DCC: variants seen among roughly 807,000 people sequenced by gnomAD.
DCC encodes DCC netrin 1 receptor, also known as netrin receptor DCC.
A neutral mutation model predicts 172.5 loss-of-function variants in DCC; 58 were observed. The ratio of observed to expected loss-of-function variants is 0.34; its 90% CI spans 0.27 to 0.42. DCC has a LOEUF of 0.42. Ranked by LOEUF, DCC falls within the 10% of genes least tolerant of loss-of-function variation. The probability of loss-of-function intolerance (pLI) is 1.00; values close to 1 mark genes in which losing one functional copy is unlikely to be tolerated. For missense variants in DCC, 1,740 were observed against 1,791.0 expected (o/e 0.97, Z 0.51); for synonymous variants, 709 against 644.5 (o/e 1.10, Z -1.52).
At chr18:53,018,400 T>C (rs2041836816) in intron 5 of DCC, among the ~76,000 whole-genome samples, 1 of 152,246 alleles carries the variant, frequency 6.6e-6, no homozygotes, top group Non-Finnish European at 1.5e-5. Context: ...CATTCTTCAC[T>C]AACCTCGTTG....
chr18:52,959,795 C>CA (rs1269551950), intron 5 of DCC, among the ~76,000 whole-genome samples: 1 of 152,006 alleles, frequency 6.6e-6, no homozygotes, highest in African/African-American at 2.4e-5. Flanking sequence ...ATCTGGTTTA[C>CA]AAAATAAGTC....
chr18:53,050,356 C>T (rs2042318398), intron 5 of DCC, among the ~76,000 whole-genome samples: 1 of 152,026 alleles, frequency 6.6e-6, no homozygotes, highest in African/African-American at 2.4e-5. Context: ...GACACTTATC[C>T]ATCGTGGGCA....
chr18:52,814,117 T>A (rs1023204335), intron 2 of DCC, among the ~76,000 whole-genome samples: 3 of 152,236 alleles, frequency 2.0e-5, no homozygotes, highest in African/African-American at 7.2e-5. Context: ...ACCCTGTTCT[T>A]TCATTCTCCT....
chr18:53,186,053 G>T (rs564106283), intron 9 of DCC, among the ~76,000 whole-genome samples: 2 of 152,146 alleles, frequency 1.3e-5, no homozygotes, highest in Non-Finnish European at 2.9e-5. Flanking sequence ...GTGGTATATC[G>T]TAAGTGTAAT....
At position 53,031,659 on chromosome 18, in the gene DCC, TAAATA is replaced by T. The variant is rs547404601; in HGVS notation, c.986-31645_986-31641del. On this transcript the variant is annotated intron_variant, in intron 5 of 28. Coordinates refer to ENST00000442544, the MANE Select transcript of DCC (RefSeq NM_005215.4). ...TTTTCAAGGAAATATAAGACAAAAA[TAAATA>T]TAATATTAGGGTTCATCAAAATTAT... Among the ~76,000 whole-genome samples, 586 of 152,142 alleles carry T rather than the reference TAAATA, an allele frequency of 3.9e-3. 2 individuals carry two copies. Among genetic ancestry groups the T allele is most frequent in the Non-Finnish European group, 6.8e-3 (464 of 67,968 alleles).
chr18:53,415,300 T>C (rs1370372338), intron 20 of DCC, among the ~76,000 whole-genome samples: 1 of 152,148 alleles, frequency 6.6e-6, no homozygotes, highest in Non-Finnish European at 1.5e-5. Flanking sequence ...CAAGTTTGAA[T>C]GGAATCAAGT....
At chr18:52,839,907 G>T (rs1334957453) in intron 2 of DCC, among the ~76,000 whole-genome samples, 1 of 152,202 alleles carries the variant, frequency 6.6e-6, no homozygotes, top group East Asian at 1.9e-4. Context: ...ACTTCCAGTT[G>T]CAGATACCTT....
chr18:52,960,427 C>G (rs982837985), intron 5 of DCC, among the ~76,000 whole-genome samples: 1 of 152,062 alleles, frequency 6.6e-6, no homozygotes, highest in African/African-American at 2.4e-5. Context: ...TTTAATGTTG[C>G]TTTAGGCCTG....
At chr18:53,256,590 T>C (rs1320322696) in intron 12 of DCC, among the ~76,000 whole-genome samples, 2 of 152,174 alleles carry the variant, frequency 1.3e-5, no homozygotes, top group Admixed American at 1.3e-4. Context: ...TTGGTACCAG[T>C]ACCATGCTGT....
chr18:52,939,182 C>G (rs2040425144), intron 5 of DCC, among the ~76,000 whole-genome samples: 1 of 152,156 alleles, frequency 6.6e-6, no homozygotes, highest in African/African-American at 2.4e-5. Context: ...CTTATATGCA[C>G]TAAACAATTC....
chr18:52,958,533 G>A (rs1432362368), intron 5 of DCC, among the ~76,000 whole-genome samples: 2 of 152,070 alleles, frequency 1.3e-5, no homozygotes, highest in African/African-American at 4.8e-5. Flanking sequence ...TAGGATACAA[G>A]AGACAGGAAA....
intron 2 of DCC, among the ~76,000 whole-genome samples, chr18:52,781,955 C>T (rs1276868191): frequency 6.6e-6 from 1 of 151,980 alleles, no homozygotes. Flanking sequence ...TTCTTCATTA[C>T]TGATTGAATA....
At chr18:53,112,290 A>T (rs1208197861) in intron 7 of DCC, among the ~76,000 whole-genome samples, 2 of 151,578 alleles carry the variant, frequency 1.3e-5, no homozygotes, top group Admixed American at 1.3e-4. Context: ...CTAAAAAAAA[A>T]GTCAATAACT....
chr18:53,308,895 A>T (rs62097991), intron 13 of DCC, among the ~76,000 whole-genome samples: 2,142 of 152,262 alleles, frequency 0.014, 19 homozygotes, highest in Non-Finnish European at 0.023. Context: ...GTAGGCTCTG[A>T]GAAAGAACCC....
At chr18:52,578,940 C>A (rs1360966105) in intron 1 of DCC, among the ~76,000 whole-genome samples, 1 of 152,110 alleles carries the variant, frequency 6.6e-6, no homozygotes, top group Non-Finnish European at 1.5e-5. Flanking sequence ...GAGATCACGC[C>A]ACTGCACTCC....
chr18:52,845,514 C>T (rs374989355), intron 2 of DCC, among the ~76,000 whole-genome samples: 1 of 152,052 alleles, frequency 6.6e-6, no homozygotes, highest in African/African-American at 2.4e-5. Flanking sequence ...AGGAAAAAGA[C>T]CATGAAAACC....
chr18:53,486,677 T>A lies in DCC; in HGVS notation c.3737-120T>A. 3 of 1,331,738 alleles carry A rather than the reference T, an allele frequency of 2.3e-6. No homozygotes were observed. In the South Asian group the frequency reaches 3.7e-5, roughly 16 times the overall value. 82.5% of individuals were successfully genotyped at this position (1,331,738 alleles called of 1,614,324 possible). A position where few individuals can be genotyped will look rare whatever the true frequency, so the allele number is the denominator to read the frequency against. On this transcript the variant is annotated intron_variant, in intron 25 of 28. Coordinates refer to ENST00000442544, the MANE Select transcript of DCC (RefSeq NM_005215.4). ...GTGGAGAGAGGTAAGTAAGGGAACC[T>A]AGTTGATACTATGAAGAGTGTGTAT...
intron 2 of DCC, among the ~76,000 whole-genome samples, chr18:52,858,009 G>C (rs2145355195): frequency 6.6e-6 from 1 of 152,274 alleles, no homozygotes; most frequent in Admixed American, 6.5e-5. Context: ...AATGACTTCA[G>C]CTCGTTTACC....
chr18:52,986,063 A>G (rs1230032234), intron 5 of DCC, among the ~76,000 whole-genome samples: 1 of 152,114 alleles, frequency 6.6e-6, no homozygotes, highest in African/African-American at 2.4e-5. Context: ...ATTCATATGT[A>G]TGAAATAGGA....
Sources: gnomAD v4.1 joint callset for allele counts (sites outside exome capture counted in the v4.1 genomes callset) on GRCh38, gnomAD v4.1.1 for gene constraint, MANE v1.5 for transcripts, NCBI Gene and HGNC (gene_info 2026-07-23, HGNC 2026-07-21) for gene names.